Variants in ZNF346 observed in about 807,000 individuals in gnomAD.
ZNF346 encodes double-stranded RNA-binding zinc finger protein JAZ.
A neutral mutation model predicts 33.7 loss-of-function variants in ZNF346; 23 were observed. The ratio of observed to expected loss-of-function variants is 0.68; its 90% CI spans 0.49 to 0.97. The LOEUF (loss-of-function observed/expected upper bound fraction) is 0.97. Among genes scored for constraint, ZNF346 ranks in the 50% least tolerant of loss-of-function variants. The pLI is 0.00. For missense variants in ZNF346, 340 were observed against 371.1 expected, an observed-to-expected ratio of 0.92 and a Z score of 0.69; for synonymous variants, 134 against 142.4, an observed-to-expected ratio of 0.94 and a Z score of 0.42.
At chr5:177,058,284 C>T (rs1299015313) in intron 5 of ZNF346, among the ~76,000 whole-genome samples, 1 of 151,384 alleles carries the variant, frequency 6.6e-6, no homozygotes, top group African/African-American at 2.4e-5. Context: ...AGACCAGCCT[C>T]AACATGGAGA....
At chr5:177,030,293 G>T (rs1198261023) in intron 1 of ZNF346, among the ~76,000 whole-genome samples, 1 of 152,016 alleles carries the variant, frequency 6.6e-6, no homozygotes, top group Non-Finnish European at 1.5e-5. Flanking sequence ...TGCGTTCAAA[G>T]AATATACTTG....
chr5:177,064,069 C>T (rs866107743), intron 6 of ZNF346, among the ~76,000 whole-genome samples: 1 of 152,124 alleles, frequency 6.6e-6, no homozygotes, highest in Non-Finnish European at 1.5e-5. Context: ...ATTGACTTCC[C>T]CAAGGTCACT....
At chr5:177,035,290 T>A (rs1372712228) in intron 1 of ZNF346, among the ~76,000 whole-genome samples, 1 of 152,202 alleles carries the variant, frequency 6.6e-6, no homozygotes, top group Non-Finnish European at 1.5e-5. Flanking sequence ...GTGTTGGGAT[T>A]ACAGGCTGAG....
chr5:177,057,897 C>T (rs1389876903), intron 5 of ZNF346, among the ~76,000 whole-genome samples: 1 of 151,472 alleles, frequency 6.6e-6, no homozygotes, highest in Admixed American at 6.6e-5. Context: ...TCTCGGCTTA[C>T]TGCAACCTCC....
intron 4 of ZNF346, among the ~76,000 whole-genome samples, chr5:177,049,541 G>T (rs1054596259): frequency 9.2e-5 from 14 of 152,220 alleles, no homozygotes; most frequent in African/African-American, 3.4e-4. Flanking sequence ...TCGCATGTAT[G>T]CCTATACCAG....
chr5:177,051,269 G>A (rs1313343387), intron 5 of ZNF346, among the ~76,000 whole-genome samples: 3 of 145,798 alleles, frequency 2.1e-5, no homozygotes, highest in Non-Finnish European at 4.4e-5. Context: ...CCACCTCCCA[G>A]GTTCATGCCA....
chr5:177,049,306 C>G (rs971442956), intron 4 of ZNF346, among the ~76,000 whole-genome samples: 2 of 152,168 alleles, frequency 1.3e-5, no homozygotes, highest in Non-Finnish European at 2.9e-5. Flanking sequence ...TGAAGTGATA[C>G]AGGTATGGAA....
intron 5 of ZNF346, among the ~76,000 whole-genome samples, chr5:177,058,201 G>A (rs529741474): frequency 3.5e-4 from 53 of 151,722 alleles, no homozygotes; most frequent in Admixed American, 3.3e-3. Flanking sequence ...ATAGCTGGGC[G>A]CGGTGGCTCA....
At chr5:177,024,863 T>C (rs1776536508) in intron 1 of ZNF346, among the ~76,000 whole-genome samples, 2 of 152,240 alleles carry the variant, frequency 1.3e-5, no homozygotes, top group African/African-American at 4.8e-5. Context: ...ACCCATTTCA[T>C]TTCCCTGTTC....
At chr5:177,048,729 A>G (rs923854488) in intron 4 of ZNF346, among the ~76,000 whole-genome samples, 1 of 151,848 alleles carries the variant, frequency 6.6e-6, no homozygotes, top group African/African-American at 2.4e-5. Context: ...TTGTTGTTCT[A>G]TAAAATTGAG....
At chr5:177,040,428 T>A (rs1779191001) in intron 1 of ZNF346, among the ~76,000 whole-genome samples, 1 of 152,144 alleles carries the variant, frequency 6.6e-6, no homozygotes, top group East Asian at 1.9e-4. Flanking sequence ...CACTACAACC[T>A]CTGCCTCCTG....
rs1228350444 is a variant in ZNF346 at position 177,065,636 on chromosome 5, C to A, written c.*1037C>A. The A allele has an allele frequency of 6.6e-6, 1 of 152,524 alleles. No homozygotes were observed. Among genetic ancestry groups the A allele is most frequent in the Non-Finnish European group, 1.5e-5 (1 of 68,024 alleles). The allele number at this position is 152,524 out of a possible 1,614,324, so 9.4% of individuals were successfully genotyped here. On this transcript the variant is annotated 3_prime_UTR_variant, in exon 7 of 7. Coordinates refer to ENST00000358149, the MANE Select transcript of ZNF346 (RefSeq NM_012279.4). ...TGAGGAACAGGCGTTTCCCAGGCCCCACACCCAGATTTCTCTATCTTTGCT... is the reference window on the plus strand; with the variant it reads ...TGAGGAACAGGCGTTTCCCAGGCCCAACACCCAGATTTCTCTATCTTTGCT...
In ZNF346 at chr5:177,067,879, TGTATCACTTGCGGCCGGGA is replaced by T. The variant is rs1562045947; in HGVS notation, c.*3283_*3301del. On this transcript the variant is annotated 3_prime_UTR_variant, in exon 7 of 7. Transcript: ENST00000358149. Reference sequence around the variant, plus strand: ...CAGCACTTTGGGAGGCCAAGGCGGGTGTATCACTTGCGGCCGGGAGTTTAAGACCATCCTGGCCAACGTG... The same window carrying T: ...CAGCACTTTGGGAGGCCAAGGCGGGTGTTTAAGACCATCCTGGCCAACGTG... Among the ~76,000 whole-genome samples the T allele has an allele frequency of 1.3e-5, 2 of 151,832 alleles. No individual in the cohort carries two copies. Among genetic ancestry groups the T allele is most frequent in the Non-Finnish European group, 2.9e-5 (2 of 67,968 alleles).
At chr5:177,038,009 C>A (rs1778752764) in intron 1 of ZNF346, among the ~76,000 whole-genome samples, 2 of 152,066 alleles carry the variant, frequency 1.3e-5, no homozygotes, top group Admixed American at 1.3e-4. Flanking sequence ...CCCTGCCTCA[C>A]AGACTTAATA....
intron 5 of ZNF346, among the ~76,000 whole-genome samples, chr5:177,058,301 G>A (rs140365074): frequency 0.011 from 1,741 of 151,564 alleles, 11 homozygotes; most frequent in South Asian, 0.025. Flanking sequence ...GAGAAACCCC[G>A]TGTCTACTAA....
chr5:177,030,746 T>G lies in ZNF346; in HGVS notation c.175+7833T>G, dbSNP rs559360034. On this transcript the variant is annotated intron_variant, in intron 1 of 6. Coordinates refer to ENST00000358149, the MANE Select transcript of ZNF346 (RefSeq NM_012279.4). Reference sequence around the variant, plus strand: ...CACCACTGTCTAATTTTAGAACATTTTCATCACCCCAATAAAGAAACCCTA... The same window carrying G: ...CACCACTGTCTAATTTTAGAACATTGTCATCACCCCAATAAAGAAACCCTA... Among the ~76,000 whole-genome samples, 4 of 152,186 alleles carry G rather than the reference T, an allele frequency of 2.6e-5. No homozygotes were observed. In the South Asian group the frequency reaches 8.3e-4, roughly 32 times the overall value.
chr5:177,077,737 G>A lies in ZNF346; in HGVS notation c.*3-1645G>A, dbSNP rs143177853. Reference sequence around the variant, plus strand: ...GAGTGTTGGTTTCATCCAGTCCCCCGTGGACTGCTAGTAGGGGAGGACCAC... The same window carrying A: ...GAGTGTTGGTTTCATCCAGTCCCCCATGGACTGCTAGTAGGGGAGGACCAC... On this transcript the variant is annotated intron_variant, in intron 8 of 8. Transcript: ENST00000503039. The surrounding 1 kb of genome is among the most constrained non-coding windows in gnomAD (Gnocchi z 5.0). Among the ~76,000 whole-genome samples, 365 of 152,296 alleles carry A rather than the reference G, an allele frequency of 2.4e-3. 2 individuals are homozygous for A. Among genetic ancestry groups the A allele is most frequent in the African/African-American group, 8.3e-3 (345 of 41,552 alleles).
chr5:177,076,731 C>T (rs6879387), intron 8 of ZNF346, among the ~76,000 whole-genome samples: 19,510 of 152,128 alleles, frequency 0.13, 2,944 homozygotes, highest in African/African-American at 0.36. Flanking sequence ...ATAAAGTTTT[C>T]TTTACTGTGC....
At chr5:177,073,975 G>A (rs1456144822) in intron 8 of ZNF346, among the ~76,000 whole-genome samples, 5 of 152,126 alleles carry the variant, frequency 3.3e-5, no homozygotes, top group African/African-American at 9.7e-5. Context: ...GTGAAAGGAA[G>A]TTTGGGCTAG....
Sources: gnomAD v4.1 joint callset for allele counts (sites outside exome capture counted in the v4.1 genomes callset) on GRCh38, gnomAD v4.1.1 for gene constraint, Gnocchi (gnomAD v3.1) non-coding constraint, MANE v1.5 for transcripts, NCBI Gene and HGNC (gene_info 2026-07-23, HGNC 2026-07-21) for gene names.